Variants in POLD3 observed in about 807,000 individuals in gnomAD.
POLD3 encodes the protein DNA polymerase delta subunit 3.
A neutral mutation model predicts 58.2 loss-of-function variants in POLD3; 19 were observed. The ratio of observed to expected loss-of-function variants is 0.33; its 90% confidence interval spans 0.23 to 0.48. The LOEUF (loss-of-function observed/expected upper bound fraction) is 0.48, where lower values mean the gene tolerates loss of function less well. Ranked by LOEUF, POLD3 falls within the 20% of genes least tolerant of loss-of-function variation. The probability of loss-of-function intolerance (pLI) is 0.99; values close to 1 mark genes in which losing one functional copy is unlikely to be tolerated. For missense variants in POLD3, 504 were observed against 545.5 expected (o/e 0.92, Z 0.76); for synonymous variants, 172 against 193.5 (o/e 0.89, Z 0.92).
chr11:74,642,423 C>A lies in POLD3; in HGVS notation c.*1657C>A, dbSNP rs1302531607. 1.0e-6 allele frequency: 1 copy of A among 984,902 alleles called. No individual in the cohort carries two copies. The highest frequency in any genetic ancestry group is 1.2e-6 in the Non-Finnish European group (1 of 829,594). The allele number at this position is 984,902 out of a possible 1,614,324, so 61.0% of individuals were successfully genotyped here. ...TTTTAAACAGTTACTTTTGTCATTG[C>A]CTCTGGTCATTTGTCTAAATAGGAA... On this transcript the variant is annotated 3_prime_UTR_variant, in exon 12 of 12. Coordinates refer to ENST00000263681, the MANE Select transcript of POLD3 (RefSeq NM_006591.3).
rs760074470 is a variant in POLD3 at position 74,636,194 on chromosome 11, T to C, written c.1120-3T>C. 2 of 1,608,916 alleles carry C rather than the reference T, an allele frequency of 1.2e-6. No homozygotes were observed. Among genetic ancestry groups the C allele is most frequent in the Non-Finnish European group, 1.7e-6 (2 of 1,175,336 alleles). On this transcript the variant is annotated splice_region_variant and splice_polypyrimidine_tract_variant and intron_variant, in intron 10 of 11. Transcript: ENST00000263681. ...CTTAACATTGTATCCTCTGACCTTT[T>C]AGAGCTCAAGTGGAGAAAACAAAAG...
downstream of POLD3, among the ~76,000 whole-genome samples, chr11:74,643,693 T>C (rs1201602890): frequency 2.0e-5 from 3 of 152,160 alleles, no homozygotes; most frequent in East Asian, 3.8e-4. Context: ...AGAAATGAAG[T>C]TGGGGCCTTG....
At chr11:74,611,457 G>T (rs747650290) in intron 3 of POLD3, 42 bp from the exon 4 acceptor site, 1 of 1,274,554 alleles carries the variant, frequency 7.8e-7, no homozygotes, top group South Asian at 1.2e-5. Flanking sequence ...TAAAATTGCA[G>T]ATTCTTACAT....
At chr11:74,660,833 C>T (rs186168578) in intron 4 of POLD3, among the ~76,000 whole-genome samples, 1 of 152,064 alleles carries the variant, frequency 6.6e-6, no homozygotes, top group East Asian at 1.9e-4. Context: ...TCAATGAAAC[C>T]TTTTTCTTTA....
At chr11:74,668,762 G>A (rs1397092579) in intron 4 of POLD3, 59 of 1,278,842 alleles carry the variant, frequency 4.6e-5, no homozygotes, top group Non-Finnish European at 5.6e-5. Flanking sequence ...CCTTTCTGTT[G>A]TGTTTTTTTT....
In POLD3 at chr11:74,642,854, C is replaced by G; in HGVS notation, c.*2088C>G. On this transcript the variant is annotated 3_prime_UTR_variant, in exon 12 of 12. Transcript: ENST00000263681. The stretch of plus-strand genomic sequence containing the variant: ...ATTGTTAAAACTGCATACCCACAGT[C>G]TGAGATGAACAAGTTATTTGCTGCC... The G allele has an allele frequency of 1.0e-6, 1 of 985,090 alleles. No homozygotes were observed. Among genetic ancestry groups the G allele is most frequent in the Non-Finnish European group, 1.2e-6 (1 of 829,678 alleles). 61.0% of individuals were successfully genotyped at this position (985,090 alleles called of 1,614,324 possible).
At chr11:74,661,104 T>C (rs1027041691) in intron 4 of POLD3, among the ~76,000 whole-genome samples, 2 of 152,162 alleles carry the variant, frequency 1.3e-5, no homozygotes, top group Non-Finnish European at 2.9e-5. Flanking sequence ...ATTCCTTCTC[T>C]GTGTTATCTT....
At chr11:74,635,175 T>A (rs1275052936) in intron 10 of POLD3, among the ~76,000 whole-genome samples, 1 of 152,146 alleles carries the variant, frequency 6.6e-6, no homozygotes, top group Admixed American at 6.5e-5. Flanking sequence ...CACCTATTAG[T>A]GTAGATAATG....
intron 4 of POLD3, among the ~76,000 whole-genome samples, chr11:74,666,084 A>T (rs953070793): frequency 2.6e-5 from 4 of 152,274 alleles, no homozygotes; most frequent in Non-Finnish European, 5.9e-5. Flanking sequence ...ATGTACAAAC[A>T]TCAATTATAT....
intron 4 of POLD3, among the ~76,000 whole-genome samples, chr11:74,648,272 G>T (rs149658311): frequency 3.7e-4 from 56 of 152,292 alleles, no homozygotes; most frequent in Non-Finnish European, 7.5e-4. Context: ...CCACACCAGT[G>T]GACTATATGT....
At chr11:74,645,042 T>C (rs1347938776), downstream of POLD3, among the ~76,000 whole-genome samples, 7 of 152,228 alleles carry the variant, frequency 4.6e-5, no homozygotes, top group East Asian at 1.3e-3. Context: ...TAAGTTACCA[T>C]TTTGGAGTGA....
chr11:74,610,753 CAT>C (rs1041105660), intron 3 of POLD3, among the ~76,000 whole-genome samples: 11 of 152,050 alleles, frequency 7.2e-5, no homozygotes, highest in Admixed American at 5.2e-4. Flanking sequence ...AGAATTCACA[CAT>C]GTTTTCATGT....
chr11:74,643,864 A>G (rs1026247603), downstream of POLD3, among the ~76,000 whole-genome samples: 7 of 152,202 alleles, frequency 4.6e-5, no homozygotes, highest in Admixed American at 2.6e-4. Flanking sequence ...TTGTATCTTA[A>G]AATTCTAGCG....
intron 10 of POLD3, among the ~76,000 whole-genome samples, chr11:74,635,500 A>G (rs139642939): frequency 2.6e-5 from 4 of 152,304 alleles, no homozygotes; most frequent in Non-Finnish European, 4.4e-5. Context: ...GACCTGGGCA[A>G]CACAGGGAGA....
chr11:74,592,795 C>T, intron 1 of POLD3, 77 bp downstream of exon 1: 2 of 1,586,938 alleles, frequency 1.3e-6, no homozygotes, highest in East Asian at 2.3e-5. Flanking sequence ...AGCCTTGACC[C>T]TCTGTCTGCT....
downstream of POLD3, among the ~76,000 whole-genome samples, chr11:74,647,395 C>T (rs2033012385): frequency 7.7e-6 from 1 of 130,028 alleles, no homozygotes; most frequent in South Asian, 2.6e-4. Flanking sequence ...TTACTTCATC[C>T]TCATGATAAC....
At chr11:74,612,798 T>G in intron 4 of POLD3, 80 bp from the exon 5 acceptor site, 1 of 1,242,288 alleles carries the variant, frequency 8.0e-7, no homozygotes, top group Non-Finnish European at 1.1e-6. Context: ...AATGCTTTAA[T>G]GCAGAAGGGT....
rs1160867977 is a variant in POLD3, at chr11:74,640,843, T to A, written c.*77T>A. On this transcript the variant is annotated 3_prime_UTR_variant, in exon 12 of 12. Transcript: ENST00000263681. The stretch of plus-strand genomic sequence containing the variant: ...AGAAATGTACTCCTCACTTACTATG[T>A]AAGTTCATCTAGATCTCCACCTCAC... 1 of 1,385,828 alleles carries A rather than the reference T, an allele frequency of 7.2e-7. No individual in the cohort carries two copies. The highest frequency in any genetic ancestry group is 1.5e-5 in the African/African-American group (1 of 67,540). 85.8% of individuals were successfully genotyped at this position (1,385,828 alleles called of 1,614,324 possible).
intron 2 of POLD3, among the ~76,000 whole-genome samples, chr11:74,594,543 G>T (rs2031156616): frequency 6.6e-6 from 1 of 152,052 alleles, no homozygotes; most frequent in African/African-American, 2.4e-5. Context: ...ATGGACATTT[G>T]GGTTATTTCC....
Sources: allele counts gnomAD v4.1 joint callset (sites outside exome capture counted in the v4.1 genomes callset), GRCh38; gene constraint gnomAD v4.1.1; transcripts MANE v1.5; gene names NCBI Gene and HGNC (gene_info 2026-07-23, HGNC 2026-07-21).